CDH9: variants seen among roughly 807,000 people sequenced by gnomAD.
The protein encoded by CDH9 is cadherin 9.
A neutral mutation model predicts 70.9 loss-of-function variants in CDH9; 28 were observed. That is an observed-to-expected ratio of 0.40 (90% confidence interval 0.29 to 0.54). The LOEUF is 0.54. Among genes scored for constraint, CDH9 ranks in the 20% least tolerant of loss-of-function variants. CDH9 has a pLI of 0.59. For synonymous variants in CDH9, 409 were observed against 343.1 expected (o/e 1.19, Z -2.12); for missense variants, 874 against 984.4 (o/e 0.89, Z 1.50).
rs774384687 is a variant in CDH9, at chr5:26,881,112, TA to T, written c.*23del. 6.4e-7 allele frequency: 1 copy of T among 1,567,390 alleles called. No individual in the cohort carries two copies. Among genetic ancestry groups the T allele is most frequent in the Non-Finnish European group, 8.6e-7 (1 of 1,156,450 alleles). On this transcript the variant is annotated 3_prime_UTR_variant, in exon 12 of 12. Transcript: ENST00000231021. ...ATAACATAGACAGTACTTCCACTAA[TA>T]TTGATTAAGTCAAACAATCCTCTTA...
At chr5:26,986,596 C>A (rs551922246) in intron 2 of CDH9, among the ~76,000 whole-genome samples, 2 of 152,168 alleles carry the variant, frequency 1.3e-5, no homozygotes, top group East Asian at 3.9e-4. Flanking sequence ...GGATTATGAG[C>A]GACTCTTTTA....
intron 4 of CDH9, 63 bp downstream of exon 4, chr5:26,906,656 T>A: frequency 1.9e-6 from 3 of 1,545,926 alleles, no homozygotes; most frequent in South Asian, 1.2e-5. Flanking sequence ...TAAAAATCTC[T>A]AAATTAATTA....
intron 9 of CDH9, among the ~76,000 whole-genome samples, chr5:26,889,378 T>C (rs2111971779): frequency 6.6e-6 from 1 of 152,216 alleles, no homozygotes; most frequent in East Asian, 1.9e-4. Context: ...TTACAAAATA[T>C]CACTCATATC....
intron 2 of CDH9, among the ~76,000 whole-genome samples, chr5:26,972,926 C>T (rs1304219554): frequency 4.6e-5 from 7 of 151,348 alleles, no homozygotes; most frequent in African/African-American, 9.7e-5. Context: ...TGCAGTGGCA[C>T]GATCTCAGCT....
intron 3 of CDH9, among the ~76,000 whole-genome samples, chr5:26,907,673 T>C (rs1028161237): frequency 6.6e-6 from 1 of 152,152 alleles, no homozygotes; most frequent in Admixed American, 6.5e-5. Flanking sequence ...GATGAATTTT[T>C]AAAATTATCT....
rs146282901 is a variant in CDH9 at position 26,965,506 on chromosome 5, G to A, written c.228+22600C>T. Among the ~76,000 whole-genome samples the A allele has an allele frequency of 4.3e-3, 646 of 151,694 alleles. 7 individuals carry two copies. The highest frequency in any genetic ancestry group is 0.015 in the African/African-American group (616 of 41,384). On this transcript the variant is annotated intron_variant, in intron 2 of 11. Coordinates refer to ENST00000231021, the MANE Select transcript of CDH9 (RefSeq NM_016279.4). ...CAGGAGAATCACTTGAACCTGAGAG[G>A]CAGAGGTTACAGTGAGTGGAGATCA...
chr5:26,903,923 G>A, intron 5 of CDH9, 99 bp from the exon 6 acceptor site: 1 of 634,648 alleles, frequency 1.6e-6, no homozygotes, highest in Non-Finnish European at 2.7e-6. Flanking sequence ...TTTAAATAGG[G>A]AGAGTTTTTA....
chr5:26,949,128 A>G (rs988164752), intron 2 of CDH9, among the ~76,000 whole-genome samples: 2 of 152,182 alleles, frequency 1.3e-5, no homozygotes, highest in Non-Finnish European at 2.9e-5. Context: ...ACCAGTGCAT[A>G]TTTATGACTC....
intron 1 of CDH9, among the ~76,000 whole-genome samples, chr5:27,034,712 A>G (rs35699227): frequency 0.036 from 5,453 of 151,672 alleles, 140 homozygotes; most frequent in Non-Finnish European, 0.053. Flanking sequence ...AAATGTTAAT[A>G]TGAAATCTCT....
chr5:26,881,724 T>C (rs1407148351), intron 11 of CDH9, 101 bp from the exon 12 acceptor site: 1 of 1,071,122 alleles, frequency 9.3e-7, no homozygotes, highest in Non-Finnish European at 1.3e-6. Context: ...GATATTAAGA[T>C]TGATCGAATA....
At chr5:26,888,561 C>T (rs888294222) in intron 9 of CDH9, among the ~76,000 whole-genome samples, 20 of 152,226 alleles carry the variant, frequency 1.3e-4, no homozygotes, top group Admixed American at 1.2e-3. Context: ...ACATTTTTAT[C>T]CAAATAGCTA....
chr5:26,889,704 A>G, intron 9 of CDH9, 132 bp downstream of exon 9: 1 of 553,964 alleles, frequency 1.8e-6, no homozygotes, highest in Non-Finnish European at 3.1e-6. Context: ...GTTCTTTGTT[A>G]AGGATAAATG....
chr5:26,881,711 G>A (rs1244746934), intron 11 of CDH9, 88 bp from the exon 12 acceptor site: 3 of 1,198,000 alleles, frequency 2.5e-6, no homozygotes, highest in Non-Finnish European at 3.5e-6. Context: ...GTTTGGTGCA[G>A]GAGATATTAA....
intron 1 of CDH9, among the ~76,000 whole-genome samples, chr5:27,002,550 G>T (rs1579506383): frequency 6.6e-6 from 1 of 152,110 alleles, no homozygotes; most frequent in Non-Finnish European, 1.5e-5. Flanking sequence ...ACTGGATTAA[G>T]AAAATGTGGC....
intron 1 of CDH9, among the ~76,000 whole-genome samples, chr5:27,012,469 T>G (rs935367091): frequency 3.9e-5 from 6 of 151,986 alleles, no homozygotes; most frequent in African/African-American, 1.4e-4. Flanking sequence ...GGGGCTGTAC[T>G]GTAAAATAAA....
intron 6 of CDH9, 21 bp from the exon 7 acceptor site, chr5:26,902,750 A>G (rs1740879192): frequency 1.4e-6 from 2 of 1,392,910 alleles, no homozygotes; most frequent in Admixed American, 3.5e-5. Flanking sequence ...ATAACATAAA[A>G]GAAATTAGCA....
chr5:27,035,420 T>C (rs1387000680), intron 1 of CDH9, among the ~76,000 whole-genome samples: 1 of 151,722 alleles, frequency 6.6e-6, no homozygotes. Flanking sequence ...GAAATTGCTT[T>C]ATCTTAGGAA....
intron 1 of CDH9, among the ~76,000 whole-genome samples, chr5:27,035,564 A>T (rs1174050982): frequency 6.6e-6 from 1 of 151,722 alleles, no homozygotes; most frequent in Non-Finnish European, 1.5e-5. Flanking sequence ...AAGAAAATTT[A>T]ACTTTAAGCA....
chr5:26,902,903 C>G (rs538098753), intron 6 of CDH9, 174 bp from the exon 7 acceptor site: 2 of 544,946 alleles, frequency 3.7e-6, no homozygotes, highest in South Asian at 2.4e-5. Context: ...TTGCCATACA[C>G]TTATTCACAG....
Sources: gnomAD v4.1 joint callset for allele counts (sites outside exome capture counted in the v4.1 genomes callset) on GRCh38, gnomAD v4.1.1 for gene constraint, MANE v1.5 for transcripts, NCBI Gene and HGNC (gene_info 2026-07-23, HGNC 2026-07-21) for gene names.